Variants in SEC16A observed in about 807,000 individuals in gnomAD.
SEC16A encodes protein transport protein Sec16A.
A neutral mutation model predicts 221.9 loss-of-function variants in SEC16A; 110 were observed. The ratio of observed to expected loss-of-function variants is 0.50; its 90% CI spans 0.42 to 0.58. The LOEUF (loss-of-function observed/expected upper bound fraction) is 0.58, where lower values mean the gene tolerates loss of function less well. SEC16A is among the 20% of genes least tolerant of loss of function. The probability of loss-of-function intolerance (pLI) is 0.00; values close to 1 mark genes in which losing one functional copy is unlikely to be tolerated. For missense variants in SEC16A, 3,165 were observed against 3,097.8 expected, an observed-to-expected ratio of 1.02 and a Z score of -0.52; for synonymous variants, 1,393 against 1,257.7, an observed-to-expected ratio of 1.11 and a Z score of -2.28.
chr9:136,477,537 C>T lies in SEC16A; in HGVS notation c.79G>A (p.Ala27Thr), dbSNP rs1426220899. Residue 27 changes from alanine to threonine, a missense_variant, in exon 3 of 32, where the codon GCT becomes ACT. Physicochemically the swap from Ala to Thr is moderately conservative, Grantham distance 58. Coordinates refer to ENST00000684901, the MANE Select transcript of SEC16A (RefSeq NM_014866.2). Reference protein sequence around the residue: ...PAGNPRSVFWASSPYRRRANN... With the variant: ...PAGNPRSVFWTSSPYRRRANN... ...GCCCGTCTCCTGTAAGGGCTGCTAG[C>T]CCAGAACACGCTCCGAGGATTCCCG... is the stretch of plus-strand genomic sequence containing the variant. 6.2e-7 allele frequency: 1 copy of T among 1,613,488 alleles called. No homozygotes were observed. Among genetic ancestry groups the T allele is most frequent in the Non-Finnish European group, 8.5e-7 (1 of 1,179,864 alleles).
In SEC16A at chr9:136,474,879, C is replaced by T. The variant is rs939205030; in HGVS notation, c.2737G>A (p.Ala913Thr). 2 of 1,613,746 alleles carry T rather than the reference C, an allele frequency of 1.2e-6. No individual in the cohort carries two copies. The highest frequency in any genetic ancestry group is 1.7e-5 in the Admixed American group (1 of 60,006). Residue 913 changes from alanine to threonine, a missense_variant, in exon 3 of 32, where the codon GCT becomes ACT. Ala to Thr is a moderately conservative substitution (Grantham distance 58). Around this residue, in one of 3 missense-constraint regions of SEC16A, gnomAD observed 2,030 missense variants for 1,923.1 expected, o/e 1.06. Transcript: ENST00000684901. ...GGCTGATTAGAAACCATTTCGGAAG[C>T]ACCAGAACCTTGTGGAAAATTACTT... Reference protein sequence around the residue: ...AQSNFPQGSGASEMVSNQPAN... With the variant: ...AQSNFPQGSGTSEMVSNQPAN...
upstream of SEC16A, chr9:136,484,535 C>G: frequency 7.8e-7 from 1 of 1,289,854 alleles, no homozygotes; most frequent in Non-Finnish European, 1.0e-6. Context: ...AGAGGGCAGG[C>G]GCCGTGGTGG....
chr9:136,466,605 G>C lies in SEC16A; in HGVS notation c.3930-143C>G, dbSNP rs1045720188. 44 of 762,844 alleles carry C rather than the reference G, an allele frequency of 5.8e-5. No individual in the cohort carries two copies. The highest frequency in any genetic ancestry group is 8.5e-5 in the Non-Finnish European group (41 of 483,486). The allele number at this position is 762,844 out of a possible 1,614,324, so 47.3% of individuals were successfully genotyped here. ...GCACACCCGACACTCAGGGCCCTCT[G>C]ACGTGCAACGTTAGAGAAGTACTGC... is the stretch of plus-strand genomic sequence containing the variant. On this transcript the variant is annotated intron_variant, in intron 6 of 31. Transcript: ENST00000684901. The surrounding 1 kb of genome is among the most constrained non-coding windows in gnomAD (Gnocchi z 5.5).
At chr9:136,473,392 G>C (rs1010493089) in intron 3 of SEC16A, among the ~76,000 whole-genome samples, 2 of 152,222 alleles carry the variant, frequency 1.3e-5, no homozygotes, top group South Asian at 4.1e-4. Context: ...GACACTTTTC[G>C]AACGACTGCA....
chr9:136,454,294 C>G lies in SEC16A; in HGVS notation c.5891G>C (p.Ser1964Thr). The G allele has an allele frequency of 6.3e-7, 1 of 1,583,212 alleles. No homozygotes were observed. The highest frequency in any genetic ancestry group is 8.6e-7 in the Non-Finnish European group (1 of 1,165,266). Residue 1964 changes from serine (S) to threonine (T), a missense_variant, in exon 21 of 32, where the codon AGT becomes ACT. Ser to Thr is a moderately conservative substitution (Grantham distance 58, BLOSUM62 1). Around this residue, in one of 3 missense-constraint regions of SEC16A, gnomAD observed 1,088 missense variants for 1,089.6 expected, o/e 1.00. Transcript: ENST00000684901. ...TGGGAACATCGGCACTCTGGCAGGA[C>G]TGGCCAATGGGCCGTCAGGGAGCGT... is the stretch of plus-strand genomic sequence containing the variant. ...PQTLPDGPLA[S>T]PARVPMFPVP...
intron 21 of SEC16A, 73 bp downstream of exon 21, chr9:136,454,036 T>G: frequency 2.2e-6 from 3 of 1,341,874 alleles, no homozygotes; most frequent in Non-Finnish European, 3.1e-6. Context: ...AACTTCAATC[T>G]CTTCCACCAA....
At chr9:136,471,603 C>T (rs1044356239) in intron 4 of SEC16A, among the ~76,000 whole-genome samples, 11 of 152,196 alleles carry the variant, frequency 7.2e-5, no homozygotes, top group Non-Finnish European at 1.5e-4. Flanking sequence ...GAAAAGCTGC[C>T]GTGTCTCTGG....
chr9:136,456,805 G>A (rs1010159599), intron 18 of SEC16A, among the ~76,000 whole-genome samples: 5 of 152,222 alleles, frequency 3.3e-5, no homozygotes, highest in Non-Finnish European at 2.9e-5. Context: ...AGTACAGCCA[G>A]GACTCAAGCA....
intron 13 of SEC16A, 78 bp downstream of exon 13, chr9:136,461,099 G>T: frequency 9.0e-7 from 1 of 1,112,934 alleles, no homozygotes. Flanking sequence ...CCTGCCGCCT[G>T]CCCCCAGGGT....
chr9:136,445,483 G>A (rs1175368310), intron 29 of SEC16A, among the ~76,000 whole-genome samples, 162 bp downstream of exon 29: 1 of 152,214 alleles, frequency 6.6e-6, no homozygotes, highest in African/African-American at 2.4e-5. Context: ...GTTAAAACAA[G>A]TGCAATTTTT....
intron 20 of SEC16A, among the ~76,000 whole-genome samples, chr9:136,454,542 GA>G (rs1329965044): frequency 2.6e-5 from 4 of 152,252 alleles, no homozygotes; most frequent in Admixed American, 6.5e-5. Flanking sequence ...TTTTCTAGGG[GA>G]GGGGCACTTG....
At chr9:136,468,895 G>C (rs1054607725) in intron 4 of SEC16A, among the ~76,000 whole-genome samples, 2 of 152,084 alleles carry the variant, frequency 1.3e-5, no homozygotes, top group African/African-American at 4.8e-5. Context: ...TGTCGCATAG[G>C]CTGGAGTGCA....
At chr9:136,454,443 T>C in intron 20 of SEC16A, 116 bp from the exon 21 acceptor site, 2 of 986,784 alleles carry the variant, frequency 2.0e-6, no homozygotes, top group Non-Finnish European at 1.6e-6. Context: ...CCATTTCTTT[T>C]ATAAGGGAGG....
intron 11 of SEC16A, 53 bp from the exon 12 acceptor site, chr9:136,463,185 G>T: frequency 6.3e-7 from 1 of 1,590,568 alleles, no homozygotes; most frequent in Non-Finnish European, 8.5e-7. Flanking sequence ...AGGTGAGGAC[G>T]CGTTGGACCA....
In SEC16A at chr9:136,455,673, C is replaced by T. The variant is rs150198392; in HGVS notation, c.5785G>A (p.Ala1929Thr). Residue 1929 changes from alanine to threonine, a missense_variant, in exon 20 of 32, where the codon GCC becomes ACC. Physicochemically the swap from Ala to Thr is moderately conservative, Grantham distance 58 (BLOSUM62 0). Transcript: ENST00000684901. ...GLSQPGALGI[A>T]NPLLAVPAPS... ...GCAGGCACCGCCAGCAGAGGGTTGG[C>T]GATCCCCAGGGCTCCTGGCTGACTG... The T allele has an allele frequency of 7.2e-4, 1,146 of 1,592,774 alleles. 5 individuals are homozygous for T. The East Asian group carries it at 0.019, about 27-fold the overall frequency.
Position 136,459,878 on chromosome 9 carries a change from A to T in SEC16A, c.5074-4T>A, listed in dbSNP as rs768460329. 1.2e-6 allele frequency: 2 copies of T among 1,611,366 alleles called. No individual in the cohort carries two copies. Among genetic ancestry groups the T allele is most frequent in the Non-Finnish European group, 1.7e-6 (2 of 1,178,420 alleles). On this transcript the variant is annotated splice_polypyrimidine_tract_variant and splice_region_variant and intron_variant, in intron 14 of 31. Transcript: ENST00000684901. This position sits in a 1 kb window ranked among gnomAD's most constrained non-coding sequence, Gnocchi z 6.1. ...CCCATTTCTCGTCTCCACAGCACTA[A>T]CATGAGGAAAAACAAAACGAAGCCT...
At chr9:136,469,316 A>T (rs1351454305) in intron 4 of SEC16A, among the ~76,000 whole-genome samples, 1 of 152,116 alleles carries the variant, frequency 6.6e-6, no homozygotes, top group African/African-American at 2.4e-5. Flanking sequence ...GGTCTCCTGG[A>T]GCTGACGTGG....
In SEC16A at chr9:136,455,762, G is replaced by A; in HGVS notation, c.5696C>T (p.Ala1899Val). 1 of 1,600,932 alleles carries A rather than the reference G, an allele frequency of 6.2e-7. No homozygotes were observed. Among genetic ancestry groups the A allele is most frequent in the Non-Finnish European group, 8.5e-7 (1 of 1,174,078 alleles). ...AGTGCCAGGACACTGCTGCGGGAGG[G>A]CTCCATCCTGATGCCATACTCCAGC... ...EGAGVWHQDG[A>V]LPQQCPGTPS... The change falls in exon 20 of 32, where the codon GCC becomes GTC. Residue 1899 changes from alanine to valine, a missense_variant. Ala to Val is a moderately conservative substitution (Grantham distance 64). Coordinates refer to ENST00000684901, the MANE Select transcript of SEC16A (RefSeq NM_014866.2).
At chr9:136,467,223 C>T (rs1840275768) in intron 5 of SEC16A, 140 bp from the exon 6 acceptor site, 1 of 942,774 alleles carries the variant, frequency 1.1e-6, no homozygotes, top group African/African-American at 1.7e-5. Context: ...TGGAAACCAG[C>T]ACGACACCAG....
Sources: allele counts gnomAD v4.1 joint callset (sites outside exome capture counted in the v4.1 genomes callset), GRCh38; gene constraint gnomAD v4.1.1; regional missense constraint gnomAD v4.1.1; non-coding constraint Gnocchi (gnomAD v3.1); transcripts MANE v1.5; gene names NCBI Gene and HGNC (gene_info 2026-07-23, HGNC 2026-07-21).